Variants in DNAJC1 observed in about 807,000 individuals in gnomAD.
DNAJC1 encodes DnaJ heat shock protein family (Hsp40) member C1.
Under a neutral mutation model 76.6 loss-of-function variants are expected in DNAJC1, and 58 were observed. That is an observed-to-expected ratio of 0.76 (90% CI 0.61 to 0.94). DNAJC1 has a LOEUF of 0.94. Ranked by LOEUF, DNAJC1 falls within the 40% of genes least tolerant of loss-of-function variation. The probability of loss-of-function intolerance (pLI) is 0.00; values close to 1 mark genes in which losing one functional copy is unlikely to be tolerated. For synonymous variants in DNAJC1, 258 were observed against 267.9 expected (o/e 0.96, Z 0.36); for missense variants, 689 against 677.3 (o/e 1.02, Z -0.19).
intron 8 of DNAJC1, among the ~76,000 whole-genome samples, chr10:21,867,844 G>C (rs957675902): frequency 2.6e-5 from 4 of 151,666 alleles, no homozygotes; most frequent in Non-Finnish European, 5.9e-5. Context: ...GGCCGAGGCG[G>C]GCAGATCACC....
intron 8 of DNAJC1, among the ~76,000 whole-genome samples, chr10:21,869,720 T>C (rs1037764575): frequency 3.3e-5 from 5 of 152,148 alleles, no homozygotes; most frequent in Admixed American, 2.0e-4. Flanking sequence ...AATAGTTCTA[T>C]ACCTCGTTTG....
chr10:21,926,008 C>T (rs776242494), intron 3 of DNAJC1, among the ~76,000 whole-genome samples: 22 of 152,236 alleles, frequency 1.4e-4, no homozygotes, highest in Non-Finnish European at 2.2e-4. Context: ...CTTGCTGTGT[C>T]GCCCAGGCTA....
At chr10:21,821,373 T>A (rs1347552829) in intron 8 of DNAJC1, among the ~76,000 whole-genome samples, 1 of 152,246 alleles carries the variant, frequency 6.6e-6, no homozygotes, top group East Asian at 1.9e-4. Context: ...AATTACATTA[T>A]ATTATGATGG....
intron 8 of DNAJC1, among the ~76,000 whole-genome samples, chr10:21,816,409 T>G (rs1042774025): frequency 1.3e-5 from 2 of 151,274 alleles, no homozygotes; most frequent in African/African-American, 4.9e-5. Context: ...GACACTACTG[T>G]CAAAAATCAA....
rs544797492 is a variant in DNAJC1 at position 21,765,793 on chromosome 10, G to A, written c.1147+468C>T. Among the ~76,000 whole-genome samples the A allele has an allele frequency of 2.1e-3, 316 of 152,222 alleles. 1 individual carries two copies. Among genetic ancestry groups the A allele is most frequent in the Non-Finnish European group, 3.7e-3 (253 of 68,028 alleles). Reference sequence around the variant, plus strand: ...TGGGAGGCAGAGGTTGCAGTGAGCCGAGATTGCGCCACTGCACGCTAGCCT... The same window carrying A: ...TGGGAGGCAGAGGTTGCAGTGAGCCAAGATTGCGCCACTGCACGCTAGCCT... On this transcript the variant is annotated intron_variant, in intron 10 of 11. Coordinates refer to ENST00000376980, the MANE Select transcript of DNAJC1 (RefSeq NM_022365.4).
chr10:21,844,282 A>G (rs557971587), intron 8 of DNAJC1, among the ~76,000 whole-genome samples: 1 of 145,748 alleles, frequency 6.9e-6, no homozygotes, highest in South Asian at 2.2e-4. Context: ...TTTTTTTTGT[A>G]TTTTTAGTAC....
intron 1 of DNAJC1, among the ~76,000 whole-genome samples, chr10:21,978,843 C>T (rs551868856): frequency 6.6e-6 from 1 of 151,880 alleles, no homozygotes; most frequent in African/African-American, 2.4e-5. Context: ...TATGTTTATA[C>T]AATGTTATCA....
At chr10:21,892,488 T>A (rs72806329) in intron 7 of DNAJC1, among the ~76,000 whole-genome samples, 70 of 151,342 alleles carry the variant, frequency 4.6e-4, no homozygotes, top group Non-Finnish European at 8.8e-4. Context: ...AAATAAAAAA[T>A]AAAATGGCAA....
intron 1 of DNAJC1, among the ~76,000 whole-genome samples, chr10:21,994,632 C>CA (rs1053085394): frequency 1.0e-4 from 15 of 150,674 alleles, no homozygotes; most frequent in East Asian, 2.0e-4. Flanking sequence ...ACTAAAAATA[C>CA]AAAAAAAAAT....
intron 8 of DNAJC1, among the ~76,000 whole-genome samples, chr10:21,833,588 C>T (rs1338401323): frequency 6.6e-6 from 1 of 152,182 alleles, no homozygotes; most frequent in Non-Finnish European, 1.5e-5. Flanking sequence ...ATTTACCTTG[C>T]CTCTCAGTTT....
At chr10:21,906,728 T>G (rs1590042663) in intron 6 of DNAJC1, among the ~76,000 whole-genome samples, 1 of 152,176 alleles carries the variant, frequency 6.6e-6, no homozygotes, top group Admixed American at 6.5e-5. Context: ...AAAATTATTT[T>G]ACTTCTCTGT....
chr10:21,783,922 A>C (rs1834568995), intron 9 of DNAJC1, among the ~76,000 whole-genome samples: 1 of 152,232 alleles, frequency 6.6e-6, no homozygotes, highest in Non-Finnish European at 1.5e-5. Flanking sequence ...TAAAGACTTA[A>C]ATGTTAGACC....
At chr10:21,777,772 C>A (rs1834471879) in intron 9 of DNAJC1, among the ~76,000 whole-genome samples, 1 of 152,220 alleles carries the variant, frequency 6.6e-6, no homozygotes, top group Non-Finnish European at 1.5e-5. Context: ...TACTTTATCT[C>A]TTTTTAAAAC....
At chr10:21,884,377 C>G (rs1280656151) in intron 7 of DNAJC1, among the ~76,000 whole-genome samples, 5 of 152,048 alleles carry the variant, frequency 3.3e-5, no homozygotes, top group Admixed American at 2.6e-4. Flanking sequence ...TAATTTTATA[C>G]CAATCATATG....
chr10:21,965,594 TGTCCAGATATCCTGATATC>T (rs1837877599), intron 1 of DNAJC1, among the ~76,000 whole-genome samples: 1 of 152,166 alleles, frequency 6.6e-6, no homozygotes, highest in African/African-American at 2.4e-5. Flanking sequence ...GACTTGGGAG[TGTCCAGATATCCTGATATC>T]TGGAGAACAA....
At chr10:21,795,970 CT>C (rs528288634) in intron 9 of DNAJC1, among the ~76,000 whole-genome samples, 1,505 of 132,852 alleles carry the variant, frequency 0.011, 10 homozygotes, top group Admixed American at 0.034. Flanking sequence ...GGGATTTCCG[CT>C]TTTTTTTTTT....
chr10:21,836,091 C>T (rs1023887502), intron 8 of DNAJC1, among the ~76,000 whole-genome samples: 4 of 152,156 alleles, frequency 2.6e-5, no homozygotes, highest in Admixed American at 6.5e-5. Flanking sequence ...GTCGGGTTAC[C>T]CACAAAGGGA....
intron 1 of DNAJC1, among the ~76,000 whole-genome samples, chr10:21,989,460 G>T (rs1215851029): frequency 1.3e-5 from 2 of 152,112 alleles, no homozygotes; most frequent in East Asian, 3.9e-4. Context: ...AAGCCTCCTG[G>T]GCTCCATGAC....
intron 9 of DNAJC1, among the ~76,000 whole-genome samples, chr10:21,783,237 A>C (rs1834556648): frequency 6.6e-6 from 1 of 152,216 alleles, no homozygotes; most frequent in Non-Finnish European, 1.5e-5. Flanking sequence ...AAAAATCACA[A>C]GCATTCTTAT....
Sources: allele counts gnomAD v4.1 joint callset (sites outside exome capture counted in the v4.1 genomes callset), GRCh38; gene constraint gnomAD v4.1.1; transcripts MANE v1.5; gene names NCBI Gene and HGNC (gene_info 2026-07-23, HGNC 2026-07-21).